Variants in ARB2A observed in about 807,000 individuals in gnomAD.
The protein encoded by ARB2A is cotranscriptional regulator ARB2A.
At chr5:93,673,165 ACATT>A in the ARB2A span, among the ~76,000 whole-genome samples, 4 of 152,232 alleles carry the variant, frequency 2.6e-5, no homozygotes, top group Non-Finnish European at 5.9e-5. Flanking sequence ...AACAGAATCT[ACATT>A]TCAAGTGTGA....
chr5:93,910,933 T>A, the ARB2A span: 1 of 151,592 alleles, frequency 6.6e-6, no homozygotes, highest in Non-Finnish European at 1.5e-5. Context: ...AAAAACAGTT[T>A]AATGTTCATT....
At chr5:93,801,117 TG>T in the ARB2A span, among the ~76,000 whole-genome samples, 3 of 152,128 alleles carry the variant, frequency 2.0e-5, no homozygotes, top group African/African-American at 7.2e-5. Context: ...TTCTCTCACT[TG>T]ATTTCTAAAG....
chr5:93,767,242 A>G, the ARB2A span, among the ~76,000 whole-genome samples: 119 of 152,314 alleles, frequency 7.8e-4, 3 homozygotes, highest in East Asian at 0.018. Flanking sequence ...GACAATTCTC[A>G]AAAGAAGATA....
the ARB2A span, chr5:93,776,160 T>G: frequency 6.2e-7 from 1 of 1,606,278 alleles, no homozygotes; most frequent in Non-Finnish European, 8.5e-7. Flanking sequence ...AACACATACC[T>G]GCTGAGACCC....
chr5:93,920,652 T>G, the ARB2A span, among the ~76,000 whole-genome samples: 2 of 152,172 alleles, frequency 1.3e-5, no homozygotes, highest in Non-Finnish European at 2.9e-5. Flanking sequence ...AAATTAAAAT[T>G]TATCAAAACT....
At chr5:93,625,960 T>C in the ARB2A span, among the ~76,000 whole-genome samples, 4 of 152,232 alleles carry the variant, frequency 2.6e-5, no homozygotes, top group Non-Finnish European at 5.9e-5. Flanking sequence ...GTGTTTCTTA[T>C]ACATCAACCC....
At chr5:93,776,291 A>G in the ARB2A span, 2 of 1,500,302 alleles carry the variant, frequency 1.3e-6, no homozygotes, top group Non-Finnish European at 1.8e-6. Flanking sequence ...TTAAGCCAAG[A>G]TGGAATTTTT....
chr5:94,068,768 G>A, the ARB2A span, among the ~76,000 whole-genome samples: 3 of 146,922 alleles, frequency 2.0e-5, no homozygotes, highest in Non-Finnish European at 3.0e-5. Flanking sequence ...GTAGGCCTAG[G>A]AAATCCAGCT....
chr5:93,772,823 T>C, the ARB2A span, among the ~76,000 whole-genome samples: 2 of 152,198 alleles, frequency 1.3e-5, no homozygotes, highest in Non-Finnish European at 2.9e-5. Flanking sequence ...ACCTGGCAGC[T>C]GGTTTCCATC....
At chr5:93,946,206 G>A in the ARB2A span, among the ~76,000 whole-genome samples, 1 of 151,798 alleles carries the variant, frequency 6.6e-6, no homozygotes, top group African/African-American at 2.4e-5. Flanking sequence ...TAACAATACA[G>A]GAAGACAAGA....
chr5:93,694,519 C>T, the ARB2A span, among the ~76,000 whole-genome samples: 11 of 152,284 alleles, frequency 7.2e-5, no homozygotes, highest in East Asian at 2.1e-3. Flanking sequence ...CTACAAACCA[C>T]TGCTCAAGGA....
the ARB2A span, among the ~76,000 whole-genome samples, chr5:93,800,107 G>C: frequency 6.6e-6 from 1 of 151,910 alleles, no homozygotes; most frequent in Admixed American, 6.6e-5. Context: ...TCTAATTGAA[G>C]TACCTATATA....
the ARB2A span, among the ~76,000 whole-genome samples, chr5:93,742,693 A>G: frequency 1.3e-5 from 2 of 152,110 alleles, no homozygotes; most frequent in African/African-American, 4.8e-5. Context: ...GTCATCAGTG[A>G]TTTTTCAGCT....
chr5:93,940,626 T>C, the ARB2A span, among the ~76,000 whole-genome samples: 1 of 151,976 alleles, frequency 6.6e-6, no homozygotes, highest in African/African-American at 2.4e-5. Flanking sequence ...AAAAATAGTA[T>C]CAGAAGCATA....
the ARB2A span, among the ~76,000 whole-genome samples, chr5:94,013,912 T>G: frequency 1.3e-5 from 2 of 152,152 alleles, no homozygotes; most frequent in Admixed American, 6.5e-5. Flanking sequence ...TCTCCCCACA[T>G]ACTGCCCTGC....
At chr5:93,643,300 G>A in the ARB2A span, among the ~76,000 whole-genome samples, 22 of 152,170 alleles carry the variant, frequency 1.4e-4, no homozygotes, top group East Asian at 2.7e-3. Flanking sequence ...TACCAAAAGA[G>A]GGTAGGGAGT....
At chr5:93,834,807 T>C in the ARB2A span, among the ~76,000 whole-genome samples, 2 of 152,182 alleles carry the variant, frequency 1.3e-5, no homozygotes, top group Non-Finnish European at 2.9e-5. Context: ...TATATTTATA[T>C]ATTGTGACTA....
the ARB2A span, chr5:93,620,961 G>T: frequency 6.3e-7 from 1 of 1,598,992 alleles, no homozygotes; most frequent in Non-Finnish European, 8.5e-7. Context: ...GCGCCAGGGC[G>T]GCCTCCCCCG....
At chr5:93,858,583 C>T in the ARB2A span, among the ~76,000 whole-genome samples, 4 of 152,160 alleles carry the variant, frequency 2.6e-5, no homozygotes, top group East Asian at 1.9e-4. Context: ...TCCTGCCATT[C>T]GCCATCTTAA....
Sources: gnomAD v4.1 joint callset for allele counts (sites outside exome capture counted in the v4.1 genomes callset) on GRCh38, gnomAD v4.1.1 for gene constraint, MANE v1.5 for transcripts, NCBI Gene and HGNC (gene_info 2026-07-23, HGNC 2026-07-21) for gene names.